ADD2: variants seen among roughly 807,000 people sequenced by gnomAD.
ADD2 encodes adducin 2.
Under a neutral mutation model 83.0 loss-of-function variants are expected in ADD2, and 23 were observed. The observed-to-expected ratio is 0.28, with a 90% CI of 0.20 to 0.39. ADD2 has a LOEUF of 0.39. Ranked by LOEUF, ADD2 falls within the 10% of genes least tolerant of loss-of-function variation. ADD2 has a pLI of 1.00. For synonymous variants in ADD2, 375 were observed against 375.4 expected (o/e 1.00, Z 0.01); for missense variants, 758 against 944.9 (o/e 0.80, Z 2.59).
chr2:70,663,710 G>A lies in ADD2; in HGVS notation c.1896C>T (p.Ser632=), dbSNP rs782227454. 61 of 1,613,834 alleles carry A rather than the reference G, an allele frequency of 3.8e-5. No individual in the cohort carries two copies. The highest frequency in any genetic ancestry group is 4.5e-5 in the Non-Finnish European group (53 of 1,180,004). The change falls in exon 16 of 16, where the codon AGC becomes AGT. Residue 632 remains serine (S), a synonymous_variant. Transcript: ENST00000264436. ...TTTCGGGCTCTGTGGTGGCGGCTTT[G>A]CTTGTTTCTGTCTTCTTAGTACCTT... is the stretch of plus-strand genomic sequence containing the variant. ...LEEGTKKTET[S]KAATTEPETT...
intron 1 of ADD2, among the ~76,000 whole-genome samples, chr2:70,761,591 GA>G (rs78804683): frequency 0.086 from 3,430 of 39,860 alleles, 64 homozygotes; most frequent in East Asian, 0.19. Flanking sequence ...CTGGGTGACA[GA>G]AAAAAAAAAA....
Position 70,767,974 on chromosome 2 carries a change from A to G in ADD2, c.-242T>C. ...GTTTGGGGGGTGGGGTGCGCTTAAAAAATCCACCCAGCTAATCTGCAGGGC... is the reference window on the plus strand; with the variant it reads ...GTTTGGGGGGTGGGGTGCGCTTAAAGAATCCACCCAGCTAATCTGCAGGGC... On this transcript the variant is annotated 5_prime_UTR_variant, in exon 1 of 16. Coordinates refer to ENST00000264436, the MANE Select transcript of ADD2 (RefSeq NM_001617.4). 6.5e-7 allele frequency: 1 copy of G among 1,535,224 alleles called. No individual in the cohort carries two copies. Among genetic ancestry groups the G allele is most frequent in the Non-Finnish European group, 8.7e-7 (1 of 1,146,436 alleles).
intron 9 of ADD2, among the ~76,000 whole-genome samples, chr2:70,686,170 G>A (rs1471582355): frequency 6.6e-6 from 1 of 152,168 alleles, no homozygotes; most frequent in Non-Finnish European, 1.5e-5. Context: ...TGCAGTCACT[G>A]TTACCTAGGC....
chr2:70,701,294 G>GA (rs201565682), intron 4 of ADD2, among the ~76,000 whole-genome samples: 63 of 149,656 alleles, frequency 4.2e-4, no homozygotes, highest in Non-Finnish European at 7.0e-4. Context: ...TAGTTCAAGG[G>GA]AAAAAAAAAC....
At chr2:70,681,302 G>A (rs1553369493) in intron 10 of ADD2, among the ~76,000 whole-genome samples, 1 of 152,080 alleles carries the variant, frequency 6.6e-6, no homozygotes, top group African/African-American at 2.4e-5. Context: ...TTCTATGATT[G>A]TATCCCCAAC....
chr2:70,711,585 TA>T (rs1192066567), intron 2 of ADD2, among the ~76,000 whole-genome samples: 2 of 152,106 alleles, frequency 1.3e-5, no homozygotes, highest in South Asian at 2.1e-4. Flanking sequence ...CCTTGATTTT[TA>T]AAAAAAACTC....
chr2:70,683,921 AT>A (rs1670592667), intron 9 of ADD2, among the ~76,000 whole-genome samples, 154 bp from the exon 10 acceptor site: 1 of 152,220 alleles, frequency 6.6e-6, no homozygotes, highest in South Asian at 2.1e-4. Flanking sequence ...GCATGCCCCC[AT>A]TTCCAAGAAA....
At chr2:70,713,229 G>T in intron 1 of ADD2, 45 bp from the exon 2 acceptor site, 1 of 790,334 alleles carries the variant, frequency 1.3e-6, no homozygotes, top group Non-Finnish European at 1.5e-6. Context: ...GCACCACCAT[G>T]ACTCTTCACC....
Position 70,676,394 on chromosome 2 carries a change from C to T in ADD2, c.1593+402G>A, listed in dbSNP as rs1670138360. On this transcript the variant is annotated intron_variant, in intron 13 of 15. Transcript: ENST00000264436. This position sits in a 1 kb window ranked among gnomAD's most constrained non-coding sequence, Gnocchi z 4.8. ...TTCCAGAGCTCTGGTTGGATGATGTCATACCAGGCTCAGAGGTCAGAGACT... is the reference window on the plus strand; with the variant it reads ...TTCCAGAGCTCTGGTTGGATGATGTTATACCAGGCTCAGAGGTCAGAGACT... The T allele has an allele frequency of 3.5e-6, 4 of 1,142,872 alleles. No homozygotes were observed. Among genetic ancestry groups the T allele is most frequent in the Non-Finnish European group, 4.3e-6 (4 of 928,536 alleles). The allele number at this position is 1,142,872 out of a possible 1,614,324, so 70.8% of individuals were successfully genotyped here.
chr2:70,711,109 C>T (rs1323291169), intron 2 of ADD2: 2 of 152,200 alleles, frequency 1.3e-5, no homozygotes, highest in East Asian at 1.9e-4. Flanking sequence ...AGGTCAACCT[C>T]GATATCACAA....
At chr2:70,685,373 G>A (rs1670666906) in intron 9 of ADD2, among the ~76,000 whole-genome samples, 1 of 152,154 alleles carries the variant, frequency 6.6e-6, no homozygotes, top group Non-Finnish European at 1.5e-5. Context: ...GTCACCCTAT[G>A]AAGAGAAGGA....
intron 1 of ADD2, among the ~76,000 whole-genome samples, chr2:70,766,737 T>C (rs1293002793): frequency 6.6e-6 from 1 of 152,182 alleles, no homozygotes; most frequent in Non-Finnish European, 1.5e-5. Context: ...CCACTCCTTT[T>C]GGGTTACTCG....
chr2:70,754,740 G>A (rs782197308), intron 1 of ADD2, among the ~76,000 whole-genome samples: 55 of 151,802 alleles, frequency 3.6e-4, no homozygotes, highest in Non-Finnish European at 6.8e-4. Context: ...ACCCTCTCCC[G>A]TGGTCATACC....
Position 70,663,520 on chromosome 2 carries a change from C to T in ADD2, c.2086G>A (p.Gly696Ser), listed in dbSNP as rs1675620149. The change falls in exon 16 of 16, where the codon GGC becomes AGC. Residue 696 changes from glycine to serine, a missense_variant. This residue lies in a region of ADD2 where 165 missense variants were observed against 176.2 expected (regional missense o/e 0.94). Coordinates refer to ENST00000264436, the MANE Select transcript of ADD2 (RefSeq NM_001617.4). Reference sequence around the variant, plus strand: ...TTTGAGGGAGACTTGGAAGGTGAGCCCTCTGGGGACATGGGGCCGCTGGTG... The same window carrying T: ...TTTGAGGGAGACTTGGAAGGTGAGCTCTCTGGGGACATGGGGCCGCTGGTG... ...SVTSGPMSPEGSPSKSPSKKK... is the reference protein window; with the variant it reads ...SVTSGPMSPESSPSKSPSKKK... 6.2e-7 allele frequency: 1 copy of T among 1,614,068 alleles called. No individual in the cohort carries two copies. The highest frequency in any genetic ancestry group is 8.5e-7 in the Non-Finnish European group (1 of 1,180,028).
At chr2:70,696,506 C>T in intron 4 of ADD2, 110 bp from the exon 5 acceptor site, 2 of 1,420,206 alleles carry the variant, frequency 1.4e-6, no homozygotes, top group East Asian at 2.5e-5. Context: ...GGAGACTTCC[C>T]CAGGCAGGGA....
chr2:70,709,325 C>T (rs781786976), intron 2 of ADD2, among the ~76,000 whole-genome samples: 4 of 106,444 alleles, frequency 3.8e-5, no homozygotes, highest in Admixed American at 9.7e-5. Flanking sequence ...GAGTGGGAGC[C>T]AAAAAAAAAA....
At chr2:70,728,115 C>T (rs146025033) in intron 1 of ADD2, among the ~76,000 whole-genome samples, 1 of 152,242 alleles carries the variant, frequency 6.6e-6, no homozygotes, top group East Asian at 1.9e-4. Flanking sequence ...GCATTCTCCC[C>T]ATGTCATATT....
intron 9 of ADD2, among the ~76,000 whole-genome samples, chr2:70,684,255 T>C (rs1670606877): frequency 1.3e-5 from 2 of 152,340 alleles, no homozygotes; most frequent in South Asian, 4.1e-4. Context: ...TCCTATTTTT[T>C]TTTATTTTTA....
intron 2 of ADD2, among the ~76,000 whole-genome samples, chr2:70,709,818 A>G (rs1672086087): frequency 6.6e-6 from 1 of 152,222 alleles, no homozygotes. Flanking sequence ...TGTGGATTCC[A>G]GTCAGTCCCA....
Sources: allele counts gnomAD v4.1 joint callset (sites outside exome capture counted in the v4.1 genomes callset), GRCh38; gene constraint gnomAD v4.1.1; regional missense constraint gnomAD v4.1.1; non-coding constraint Gnocchi (gnomAD v3.1); transcripts MANE v1.5; gene names NCBI Gene and HGNC (gene_info 2026-07-23, HGNC 2026-07-21).